RABEP1: variants seen among roughly 807,000 people sequenced by gnomAD.
RABEP1 encodes rabaptin, RAB GTPase binding effector protein 1.
Under a neutral mutation model 123.4 loss-of-function variants are expected in RABEP1, and 51 were observed. The observed-to-expected ratio is 0.41, with a 90% CI of 0.33 to 0.52. RABEP1 has a LOEUF of 0.52. RABEP1 is among the 20% of genes least tolerant of loss of function. The probability of loss-of-function intolerance (pLI) is 0.16; values close to 1 mark genes in which losing one functional copy is unlikely to be tolerated. For synonymous variants in RABEP1, 347 were observed against 355.2 expected (o/e 0.98, Z 0.26); for missense variants, 888 against 996.3 (o/e 0.89, Z 1.46).
chr17:5,313,745 G>A (rs1014590460), intron 2 of RABEP1, among the ~76,000 whole-genome samples: 3 of 152,156 alleles, frequency 2.0e-5, no homozygotes, highest in South Asian at 2.1e-4. Context: ...GTTGGCCACA[G>A]CGAACAGTTG....
chr17:5,324,240 G>A (rs1597356072), intron 2 of RABEP1, among the ~76,000 whole-genome samples: 2 of 152,048 alleles, frequency 1.3e-5, no homozygotes, highest in African/African-American at 4.8e-5. Flanking sequence ...AAACTGACAC[G>A]TAGACTAATG....
chr17:5,303,753 C>G (rs2075156063), intron 1 of RABEP1, among the ~76,000 whole-genome samples: 1 of 152,122 alleles, frequency 6.6e-6, no homozygotes, highest in Non-Finnish European at 1.5e-5. Flanking sequence ...TGTAAAGATG[C>G]CAGGTGTGGT....
chr17:5,363,095 C>A, intron 10 of RABEP1, 79 bp downstream of exon 10: 1 of 1,016,016 alleles, frequency 9.8e-7, no homozygotes, highest in Non-Finnish European at 1.5e-6. Context: ...CCCTCTCCGG[C>A]CCCAGCCCCA....
In RABEP1 at chr17:5,377,143, C is replaced by A; in HGVS notation, c.2053C>A (p.Arg685Ser). 1 of 1,603,656 alleles carries A rather than the reference C, an allele frequency of 6.2e-7. No individual in the cohort carries two copies. The highest frequency in any genetic ancestry group is 1.1e-5 in the South Asian group (1 of 88,516). The change falls in exon 14 of 18, where the codon CGT (arginine) becomes AGT (serine). Residue 685 changes from arginine to serine, a missense_variant. Arg to Ser is a moderately radical substitution (Grantham distance 110). Coordinates refer to ENST00000537505, the MANE Select transcript of RABEP1 (RefSeq NM_004703.6). ...EALRELVLKY[R>S]EDIINVRTAA... ...ACTGCGGGAGTTGGTATTAAAATAC[C>A]GTGAGGACATCATTAATGTGCGGAC...
intron 5 of RABEP1, among the ~76,000 whole-genome samples, 189 bp downstream of exon 5, chr17:5,338,327 T>C (rs1472987323): frequency 6.6e-6 from 1 of 152,178 alleles, no homozygotes; most frequent in African/African-American, 2.4e-5. Flanking sequence ...TTTGGGAGGC[T>C]GAGGCGGGCG....
intron 1 of RABEP1, among the ~76,000 whole-genome samples, chr17:5,298,500 C>G (rs1343997748): frequency 6.6e-6 from 1 of 152,112 alleles, no homozygotes; most frequent in African/African-American, 2.4e-5. Flanking sequence ...TAGTTCTCCA[C>G]TCTGAATTGT....
At chr17:5,291,017 G>A (rs181824095) in intron 1 of RABEP1, among the ~76,000 whole-genome samples, 1 of 152,232 alleles carries the variant, frequency 6.6e-6, no homozygotes, top group African/African-American at 2.4e-5. Context: ...TTTCATTCTA[G>A]CTATCCCTCA....
chr17:5,334,351 C>T (rs1906852640), intron 3 of RABEP1, among the ~76,000 whole-genome samples: 1 of 152,126 alleles, frequency 6.6e-6, no homozygotes, highest in Non-Finnish European at 1.5e-5. Context: ...CCTGCCTCAG[C>T]CTTCCGAGTA....
At chr17:5,316,715 C>A (rs908721309) in intron 2 of RABEP1, among the ~76,000 whole-genome samples, 1 of 150,196 alleles carries the variant, frequency 6.7e-6, no homozygotes, top group Non-Finnish European at 1.5e-5. Context: ...CGCTTGTAAT[C>A]CCACCTACTC....
chr17:5,312,777 A>G (rs1249788476), intron 2 of RABEP1, among the ~76,000 whole-genome samples: 3 of 152,216 alleles, frequency 2.0e-5, no homozygotes, highest in East Asian at 3.9e-4. Context: ...TTTGCACAGT[A>G]TCATCATTTC....
At chr17:5,289,714 C>G in intron 1 of RABEP1, among the ~76,000 whole-genome samples, 1 of 152,030 alleles carries the variant, frequency 6.6e-6, no homozygotes, top group East Asian at 1.9e-4. Flanking sequence ...AGGCAGAGCA[C>G]CCTTTATTTT....
At chr17:5,337,625 G>A (rs749936738) in intron 4 of RABEP1, among the ~76,000 whole-genome samples, 1 of 152,188 alleles carries the variant, frequency 6.6e-6, no homozygotes, top group Non-Finnish European at 1.5e-5. Context: ...CCTGGGAGGT[G>A]GAGCTTGCAG....
intron 2 of RABEP1, among the ~76,000 whole-genome samples, chr17:5,323,592 A>G (rs1055951300): frequency 2.0e-5 from 3 of 151,416 alleles, no homozygotes; most frequent in Non-Finnish European, 4.4e-5. Context: ...TCTCATTTAC[A>G]ATGGCTACAA....
chr17:5,339,260 A>G (rs1050929790), intron 5 of RABEP1, among the ~76,000 whole-genome samples: 4 of 152,246 alleles, frequency 2.6e-5, no homozygotes, highest in African/African-American at 9.6e-5. Flanking sequence ...ACTGATACCT[A>G]TGTTTAAAAG....
rs1172041060 is a variant in RABEP1 at position 5,385,204 on chromosome 17, GAAAC to G, written c.*1986_*1989del. ...TTGTTTAGCAATGTGTTTCTGGTAT[GAAAC>G]AAACTACTGTGTCACTGTCCAGGTA... is the stretch of plus-strand genomic sequence containing the variant. On this transcript the variant is annotated 3_prime_UTR_variant, in exon 18 of 18. Transcript: ENST00000537505. 1.3e-5 allele frequency: 3 copies of G among 230,014 alleles called. No homozygotes were observed. Among genetic ancestry groups the G allele is most frequent in the Admixed American group, 5.7e-5 (1 of 17,690 alleles). 14.2% of individuals were successfully genotyped at this position (230,014 alleles called of 1,614,324 possible).
intron 1 of RABEP1, among the ~76,000 whole-genome samples, chr17:5,282,765 T>G: frequency 7.1e-6 from 1 of 141,092 alleles, no homozygotes; most frequent in African/African-American, 2.7e-5. Context: ...GGGAAGGGCG[T>G]GGGGAGGCTG....
intron 2 of RABEP1, among the ~76,000 whole-genome samples, chr17:5,324,951 G>C (rs112460111): frequency 1.3e-5 from 2 of 152,172 alleles, no homozygotes; most frequent in African/African-American, 4.8e-5. Flanking sequence ...TAGTATGGAG[G>C]TTCCTCAAAA....
intron 8 of RABEP1, among the ~76,000 whole-genome samples, chr17:5,359,304 G>A (rs1909301625): frequency 1.3e-5 from 2 of 152,086 alleles, no homozygotes; most frequent in South Asian, 4.2e-4. Flanking sequence ...TTGATCTCCT[G>A]ACCTTGTGAT....
At chr17:5,349,287 C>G (rs529966374) in intron 6 of RABEP1, among the ~76,000 whole-genome samples, 2 of 152,254 alleles carry the variant, frequency 1.3e-5, no homozygotes, top group South Asian at 4.1e-4. Context: ...AAAAAGGGGC[C>G]TCTGTTGTAG....
Sources: allele counts gnomAD v4.1 joint callset (sites outside exome capture counted in the v4.1 genomes callset), GRCh38; gene constraint gnomAD v4.1.1; transcripts MANE v1.5; gene names NCBI Gene and HGNC (gene_info 2026-07-23, HGNC 2026-07-21).